Variants in FAM20C observed in about 807,000 individuals in gnomAD.
FAM20C encodes the protein FAM20C golgi associated secretory pathway kinase.
In FAM20C, 40 loss-of-function variants were observed where a neutral mutation model predicts 51.5. The observed-to-expected ratio is 0.78, with a 90% CI of 0.60 to 1.01. The LOEUF (loss-of-function observed/expected upper bound fraction) is 1.01, where lower values mean the gene tolerates loss of function less well. FAM20C is among the 50% of genes least tolerant of loss of function. The pLI is 0.00. For synonymous variants in FAM20C, 406 were observed against 380.6 expected (o/e 1.07, Z -0.78); for missense variants, 861 against 844.7 (o/e 1.02, Z -0.24).
intron 5 of FAM20C, among the ~76,000 whole-genome samples, chr7:251,650 CT>C (rs1000365654): frequency 2.4e-4 from 37 of 152,200 alleles, no homozygotes; most frequent in Admixed American, 2.3e-3. Flanking sequence ...CGGAGTGCCC[CT>C]GAGCTCTGTG....
At chr7:259,600 G>GTGTCCCTCTT in intron 9 of FAM20C, 131 bp from the exon 10 acceptor site, 1 of 799,070 alleles carries the variant, frequency 1.3e-6, no homozygotes, top group South Asian at 2.2e-5. Context: ...TTTTCTCTCT[G>GTGTCCCTCTT]TCTCTGTCCC....
At chr7:259,064 G>T (rs143281604) in intron 9 of FAM20C, among the ~76,000 whole-genome samples, 21 of 152,228 alleles carry the variant, frequency 1.4e-4, no homozygotes, top group African/African-American at 5.1e-4. Flanking sequence ...TTCTGCGGGG[G>T]TTCAGACCCC....
In FAM20C at chr7:214,208, C is replaced by T. The variant is rs529852291; in HGVS notation, c.863+5232C>T. On this transcript the variant is annotated intron_variant, in intron 3 of 9. Coordinates refer to ENST00000313766, the MANE Select transcript of FAM20C (RefSeq NM_020223.4). ...GGCGTGGTGATGCATGCCTGTAATC[C>T]CAGCTACTCGGGAGGCTGAGGCAGG... 1.5e-4 allele frequency among the ~76,000 whole-genome samples: 23 copies of T among 152,160 alleles called. No individual in the cohort carries two copies. In the South Asian group the frequency reaches 3.3e-3, roughly 22 times the overall value.
chr7:205,766 G>A (rs185200309), intron 2 of FAM20C, among the ~76,000 whole-genome samples: 5 of 152,120 alleles, frequency 3.3e-5, no homozygotes, highest in South Asian at 2.1e-4. Context: ...TCTCGTCTGC[G>A]CCCTCCCCCG....
intron 3 of FAM20C, among the ~76,000 whole-genome samples, chr7:223,527 G>T (rs893855810): frequency 1.3e-5 from 2 of 152,218 alleles, no homozygotes; most frequent in Non-Finnish European, 2.9e-5. Context: ...AGGGGCAGGC[G>T]GGCACATGGT....
intron 5 of FAM20C, among the ~76,000 whole-genome samples, chr7:250,458 G>T (rs1170362860): frequency 6.6e-6 from 1 of 152,180 alleles, no homozygotes; most frequent in Admixed American, 6.5e-5. Flanking sequence ...GAGCGTGGGG[G>T]TCTTTGAGGG....
In FAM20C at chr7:193,481, C is replaced by T; in HGVS notation, c.282C>T (p.Phe94=). Residue 94 remains phenylalanine, a synonymous_variant, in exon 1 of 10, where the codon TTC becomes TTT. Coordinates refer to ENST00000313766, the MANE Select transcript of FAM20C (RefSeq NM_020223.4). ...NKHTLRILQD[F]SSDPSSNLSS... ...ACACGCTCCGCATCCTGCAGGACTTCAGCTCCGACCCCTCCTCCAACCTCT... is the reference window on the plus strand; with the variant it reads ...ACACGCTCCGCATCCTGCAGGACTTTAGCTCCGACCCCTCCTCCAACCTCT... The T allele has an allele frequency of 6.7e-7, 1 of 1,498,402 alleles. No individual in the cohort carries two copies. Among genetic ancestry groups the T allele is most frequent in the African/African-American group, 1.5e-5 (1 of 68,910 alleles). The allele number at this position is 1,498,402 out of a possible 1,614,324, so 92.8% of individuals were successfully genotyped here. A position where few individuals can be genotyped will look rare whatever the true frequency, so the allele number is the denominator to read the frequency against.
chr7:254,821 C>A (rs1415799078), intron 5 of FAM20C, among the ~76,000 whole-genome samples: 1 of 152,216 alleles, frequency 6.6e-6, no homozygotes. Context: ...TTTGCCTGTT[C>A]TGGGCGTTTC....
At chr7:198,950 T>C in intron 2 of FAM20C, among the ~76,000 whole-genome samples, 1 of 152,190 alleles carries the variant, frequency 6.6e-6, no homozygotes, top group East Asian at 1.9e-4. Context: ...TGCTCACAGG[T>C]GAGTTCTCAT....
rs865950516 is a variant in FAM20C at position 193,132 on chromosome 7, G to A, written c.-68G>A. On this transcript the variant is annotated 5_prime_UTR_variant, in exon 1 of 10. It adds an upstream start codon to the 5' untranslated region. Coordinates refer to ENST00000313766, the MANE Select transcript of FAM20C (RefSeq NM_020223.4). ...TGACCCGCGAGGCGGCGCCGCGCTC[G>A]TGCCCAGCTGCAGCTAGAGGGGCGC... is the stretch of plus-strand genomic sequence containing the variant. The A allele has an allele frequency of 2.1e-5, 28 of 1,341,592 alleles. No individual in the cohort carries two copies. In the South Asian group the frequency reaches 3.7e-4, roughly 18 times the overall value. The allele number at this position is 1,341,592 out of a possible 1,614,324, so 83.1% of individuals were successfully genotyped here.
intron 3 of FAM20C, among the ~76,000 whole-genome samples, chr7:234,934 C>T (rs1669891370): frequency 6.6e-6 from 1 of 152,188 alleles, no homozygotes; most frequent in South Asian, 2.1e-4. Flanking sequence ...GCACCCCTCT[C>T]AGCTGCGTTG....
At chr7:214,191 GAT>G (rs1348603732) in intron 3 of FAM20C, among the ~76,000 whole-genome samples, 1 of 152,080 alleles carries the variant, frequency 6.6e-6, no homozygotes, top group Non-Finnish European at 1.5e-5. Context: ...TGGGCGTGGT[GAT>G]GCATGCCTGT....
chr7:209,030 C>T, intron 3 of FAM20C, 54 bp downstream of exon 3: 2 of 1,531,880 alleles, frequency 1.3e-6, no homozygotes, highest in Non-Finnish European at 8.8e-7. Flanking sequence ...TGCAGGCGAG[C>T]AGGCGCCGGG....
At chr7:209,572 G>A (rs1364935281) in intron 3 of FAM20C, among the ~76,000 whole-genome samples, 3 of 152,256 alleles carry the variant, frequency 2.0e-5, no homozygotes, top group African/African-American at 4.8e-5. Context: ...CACCAAAACC[G>A]ATAACACAGC....
At chr7:228,188 T>G in intron 3 of FAM20C, 1 of 320,238 alleles carries the variant, frequency 3.1e-6, no homozygotes, top group Admixed American at 4.0e-5. Flanking sequence ...CCTGGCATGG[T>G]TGTGATGAGG....
At chr7:200,242 A>G (rs538196296) in intron 2 of FAM20C, among the ~76,000 whole-genome samples, 11 of 145,086 alleles carry the variant, frequency 7.6e-5, no homozygotes, top group Non-Finnish European at 1.7e-4. Flanking sequence ...CCAGGTGGCA[A>G]CTGCCCCTGC....
In FAM20C at chr7:259,888, A is replaced by C. The variant is rs1788813080; in HGVS notation, c.1663A>C (p.Lys555Gln). ...GGACCGGCGGCTCCGCGTCGTGCTA[A>C]AGGCCGTCCGGGACTGCGTGGAGAG... ...ALDRRLRVVL[K>Q]AVRDCVERNG... The change falls in exon 10 of 10, where the codon AAG (lysine) becomes CAG (glutamine). Residue 555 changes from lysine (K) to glutamine (Q), a missense_variant. Around this residue, in one of 3 missense-constraint regions of FAM20C, gnomAD observed 269 missense variants for 283.8 expected, o/e 0.95. Coordinates refer to ENST00000313766, the MANE Select transcript of FAM20C (RefSeq NM_020223.4). 2 of 1,535,836 alleles carry C rather than the reference A, an allele frequency of 1.3e-6. No individual in the cohort carries two copies. The highest frequency in any genetic ancestry group is 1.4e-5 in the African/African-American group (1 of 73,048).
intron 8 of FAM20C, among the ~76,000 whole-genome samples, chr7:257,833 G>C (rs1177773157): frequency 2.6e-4 from 32 of 121,174 alleles, no homozygotes; most frequent in African/African-American, 4.8e-4. Context: ...GCTGGAGATG[G>C]GCAGGGTGGA....
At chr7:213,822 T>A (rs1048466873) in intron 3 of FAM20C, among the ~76,000 whole-genome samples, 1 of 152,024 alleles carries the variant, frequency 6.6e-6, no homozygotes, top group African/African-American at 2.4e-5. Flanking sequence ...CTCGTCAGCG[T>A]GTGCTGTTGT....
Sources: gnomAD v4.1 joint callset for allele counts (sites outside exome capture counted in the v4.1 genomes callset) on GRCh38, gnomAD v4.1.1 for gene constraint, gnomAD v4.1.1 regional missense constraint, MANE v1.5 for transcripts, NCBI Gene and HGNC (gene_info 2026-07-23, HGNC 2026-07-21) for gene names.